MORC1: variants seen among roughly 807,000 people sequenced by gnomAD.
The protein encoded by MORC1 is MORC family CW-type zinc finger protein 1.
Under a neutral mutation model 134.9 loss-of-function variants are expected in MORC1, and 59 were observed. That is an observed-to-expected ratio of 0.44 (90% CI 0.35 to 0.54). The LOEUF is 0.54. Among genes scored for constraint, MORC1 ranks in the 20% least tolerant of loss-of-function variants. The pLI is 0.00. For synonymous variants in MORC1, 395 were observed against 391.7 expected (o/e 1.01, Z -0.10); for missense variants, 947 against 1,134.5 (o/e 0.83, Z 2.37).
chr3:108,967,319 G>A (rs374306760), intron 26 of MORC1, among the ~76,000 whole-genome samples: 29 of 152,286 alleles, frequency 1.9e-4, no homozygotes, highest in African/African-American at 7.0e-4. Context: ...ATAAACAGCT[G>A]TATGACAGTA....
rs758380552 is a variant in MORC1, at chr3:109,035,469, C to CTT, written c.1331-3_1331-2dup. 1 of 1,304,232 alleles carries CTT rather than the reference C, an allele frequency of 7.7e-7. No homozygotes were observed. The highest frequency in any genetic ancestry group is 2.5e-5 in the African/African-American group (1 of 40,740). 80.8% of individuals were successfully genotyped at this position (1,304,232 alleles called of 1,614,324 possible). A position where few individuals can be genotyped will look rare whatever the true frequency, so the allele number is the denominator to read the frequency against. ...CAAAACAATGTTAAATTTCTATTAT[C>CTT]TTTTAAAAAAAAAAGCAGGCAAAGA... On this transcript the variant is annotated splice_acceptor_variant, in intron 14 of 27. Transcript: ENST00000232603. LOFTEE classifies it high-confidence loss of function.
At chr3:108,990,094 T>C (rs754803096) in intron 21 of MORC1, among the ~76,000 whole-genome samples, 2 of 152,188 alleles carry the variant, frequency 1.3e-5, no homozygotes, top group African/African-American at 2.4e-5. Context: ...CCTTTTCTCC[T>C]CTGCCTTCCA....
At chr3:108,978,368 T>C (rs887252069) in intron 24 of MORC1, among the ~76,000 whole-genome samples, 2 of 152,192 alleles carry the variant, frequency 1.3e-5, no homozygotes, top group Admixed American at 6.5e-5. Context: ...CTAGTGTCAG[T>C]AGTGAAAATA....
chr3:108,967,815 C>T (rs1240482453), intron 26 of MORC1, among the ~76,000 whole-genome samples: 1 of 151,430 alleles, frequency 6.6e-6, no homozygotes, highest in African/African-American at 2.4e-5. Flanking sequence ...TAGCAAGATC[C>T]TATTTCAAGA....
rs558183940 is a variant in MORC1 at position 108,988,231 on chromosome 3, A to G, written c.2188-1282T>C. Among the ~76,000 whole-genome samples the G allele has an allele frequency of 1.7e-3, 257 of 152,292 alleles. 1 individual carries two copies. The highest frequency in any genetic ancestry group is 5.8e-3 in the African/African-American group (239 of 41,562). On this transcript the variant is annotated intron_variant, in intron 21 of 27. Transcript: ENST00000232603. ...TAGCCTAGCAACAAAATAACTGTGT[A>G]GCTGCCTATCATTGCCATTTTCCAT... is the stretch of plus-strand genomic sequence containing the variant.
At chr3:109,079,991 C>A (rs1193426745) in intron 8 of MORC1, among the ~76,000 whole-genome samples, 1 of 152,140 alleles carries the variant, frequency 6.6e-6, no homozygotes, top group Non-Finnish European at 1.5e-5. Flanking sequence ...GTGTCCTAAG[C>A]ACTTTTCATG....
At chr3:108,992,663 T>C (rs150039678) in intron 21 of MORC1, among the ~76,000 whole-genome samples, 390 of 152,322 alleles carry the variant, frequency 2.6e-3, no homozygotes, top group African/African-American at 8.9e-3. Flanking sequence ...AATGATTACA[T>C]GTAGCAAAAA....
intron 8 of MORC1, among the ~76,000 whole-genome samples, chr3:109,088,836 T>C (rs537300520): frequency 3.3e-5 from 5 of 152,112 alleles, no homozygotes; most frequent in East Asian, 1.9e-4. Flanking sequence ...AAATGACAGA[T>C]TGGATAAAGA....
chr3:109,004,180 T>C (rs1948481674), intron 20 of MORC1, among the ~76,000 whole-genome samples: 1 of 152,220 alleles, frequency 6.6e-6, no homozygotes, highest in African/African-American at 2.4e-5. Flanking sequence ...CCCACTGTCT[T>C]ACACTGGGCA....
At position 109,104,997 on chromosome 3, in the gene MORC1, A is replaced by T. The variant is rs1950999442; in HGVS notation, c.155-1080T>A. On this transcript the variant is annotated intron_variant, in intron 3 of 27. Transcript: ENST00000232603. ...CCTTAGGACCCTTCCACGTCCCATCACCCTCACCTTACCCTCAAGCAATCA... is the reference window on the plus strand; with the variant it reads ...CCTTAGGACCCTTCCACGTCCCATCTCCCTCACCTTACCCTCAAGCAATCA... Among the ~76,000 whole-genome samples, 3 of 151,856 alleles carry T rather than the reference A, an allele frequency of 2.0e-5. No homozygotes were observed. The South Asian group carries it at 6.2e-4, about 32-fold the overall frequency.
intron 8 of MORC1, among the ~76,000 whole-genome samples, chr3:109,089,675 G>T (rs1950679414): frequency 6.6e-6 from 1 of 152,122 alleles, no homozygotes; most frequent in Non-Finnish European, 1.5e-5. Context: ...TGAGATGTGG[G>T]ATTTGGGTCC....
At chr3:108,980,664 G>T (rs770191277) in intron 23 of MORC1, among the ~76,000 whole-genome samples, 2 of 152,304 alleles carry the variant, frequency 1.3e-5, no homozygotes, top group East Asian at 3.9e-4. Context: ...GTGAACCTGC[G>T]ATGTGGTTAC....
intron 17 of MORC1, 53 bp downstream of exon 17, chr3:109,027,695 GAAA>G: frequency 6.2e-7 from 1 of 1,606,344 alleles, no homozygotes; most frequent in Admixed American, 1.7e-5. Context: ...TTGCACATAT[GAAA>G]CCAACAGTTA....
chr3:109,108,667 G>C (rs1287197619), intron 3 of MORC1, among the ~76,000 whole-genome samples: 2 of 152,148 alleles, frequency 1.3e-5, no homozygotes, highest in Non-Finnish European at 2.9e-5. Context: ...CGAGGCCGAG[G>C]CGGGCGGATC....
At chr3:109,040,984 A>T (rs1949531109) in intron 14 of MORC1, among the ~76,000 whole-genome samples, 1 of 151,896 alleles carries the variant, frequency 6.6e-6, no homozygotes, top group South Asian at 2.1e-4. Context: ...TTTAAAAATC[A>T]CTAGAGGGAT....
intron 1 of MORC1, among the ~76,000 whole-genome samples, chr3:109,117,239 CT>C (rs1951291962): frequency 6.7e-6 from 1 of 148,280 alleles, no homozygotes; most frequent in African/African-American, 2.5e-5. Flanking sequence ...CCTTCCCTGG[CT>C]TTCTTTATAC....
intron 23 of MORC1, among the ~76,000 whole-genome samples, chr3:108,984,339 T>A (rs1429180690): frequency 6.6e-6 from 1 of 152,166 alleles, no homozygotes; most frequent in Admixed American, 6.5e-5. Flanking sequence ...ATGATTATAA[T>A]TACATGTATG....
intron 24 of MORC1, among the ~76,000 whole-genome samples, chr3:108,974,348 T>C (rs1241484034): frequency 6.6e-6 from 1 of 152,222 alleles, no homozygotes; most frequent in Non-Finnish European, 1.5e-5. Context: ...TGATTGTAGA[T>C]GCTTAAGAAC....
At chr3:109,030,701 C>T (rs1576652710) in intron 16 of MORC1, among the ~76,000 whole-genome samples, 1 of 152,170 alleles carries the variant, frequency 6.6e-6, no homozygotes, top group Non-Finnish European at 1.5e-5. Flanking sequence ...CTAAATTTAT[C>T]TAGCCACTCA....
Sources: allele counts gnomAD v4.1 joint callset (sites outside exome capture counted in the v4.1 genomes callset), GRCh38; gene constraint gnomAD v4.1.1; transcripts MANE v1.5; gene names NCBI Gene and HGNC (gene_info 2026-07-23, HGNC 2026-07-21).